SPATA13: variants seen among roughly 807,000 people sequenced by gnomAD.
SPATA13 encodes the protein spermatogenesis-associated protein 13.
SPATA13 carries 50 observed loss-of-function variants against 104.0 expected under a neutral mutation model. That is an observed-to-expected ratio of 0.48 (90% confidence interval 0.38 to 0.61). The LOEUF is 0.61. SPATA13 is among the 20% of genes least tolerant of loss of function. The pLI, the probability that SPATA13 is intolerant of heterozygous loss-of-function variation, is 0.00. For missense variants in SPATA13, 1,524 were observed against 1,690.6 expected (o/e 0.90, Z 1.73); for synonymous variants, 606 against 667.5 (o/e 0.91, Z 1.42).
At chr13:24,083,513 C>T (rs986823710) in intron 3 of SPATA13, among the ~76,000 whole-genome samples, 2 of 152,222 alleles carry the variant, frequency 1.3e-5, no homozygotes, top group African/African-American at 2.4e-5. Flanking sequence ...GGGAGAATGG[C>T]TAGCTCTCTG....
chr13:24,233,984 G>A (rs1212074183), intron 2 of SPATA13, among the ~76,000 whole-genome samples: 1 of 151,782 alleles, frequency 6.6e-6, no homozygotes, highest in African/African-American at 2.4e-5. Context: ...TATACCTGTA[G>A]TTTTGAACTT....
At chr13:24,045,722 T>C (rs577849183) in intron 3 of SPATA13, among the ~76,000 whole-genome samples, 3 of 152,316 alleles carry the variant, frequency 2.0e-5, no homozygotes, top group African/African-American at 7.2e-5. Flanking sequence ...ATAAAATACA[T>C]GGGAAAAGAT....
chr13:24,171,132 A>G (rs537513606), intron 1 of SPATA13, among the ~76,000 whole-genome samples: 1 of 152,216 alleles, frequency 6.6e-6, no homozygotes, highest in East Asian at 1.9e-4. Flanking sequence ...GGACCCTACA[A>G]CATCAAACGA....
chr13:23,993,986 CT>C (rs60416353), intron 2 of SPATA13, among the ~76,000 whole-genome samples: 62,523 of 122,830 alleles, frequency 0.51, 14,160 homozygotes, highest in Non-Finnish European at 0.55. Flanking sequence ...TTTTTTTTTT[CT>C]TTTTTTTTTT....
chr13:24,173,368 GTGTGTGT>G (rs1445601214), intron 1 of SPATA13, among the ~76,000 whole-genome samples: 1 of 19,176 alleles, frequency 5.2e-5, no homozygotes, highest in African/African-American at 8.3e-5. Flanking sequence ...TTAGTTGTGT[GTGTGTGT>G]GTGTGTGTGT....
intron 4 of SPATA13, chr13:24,270,826 G>A: frequency 6.2e-7 from 1 of 1,612,808 alleles, no homozygotes; most frequent in Non-Finnish European, 8.5e-7. Context: ...CCCCAGTCCT[G>A]CTCTGAAGGT....
At chr13:24,188,980 C>T (rs369157888) in intron 1 of SPATA13, among the ~76,000 whole-genome samples, 110 of 152,266 alleles carry the variant, frequency 7.2e-4, no homozygotes, top group African/African-American at 2.5e-3. Flanking sequence ...ATATTTTTAG[C>T]CCACTGTTGA....
At chr13:24,083,187 G>C (rs1484030872) in intron 3 of SPATA13, among the ~76,000 whole-genome samples, 1 of 152,210 alleles carries the variant, frequency 6.6e-6, no homozygotes, top group African/African-American at 2.4e-5. Context: ...CTTGGGAGCC[G>C]AGTAAGTTCT....
chr13:24,262,175 A>G (rs1250040281), intron 4 of SPATA13, among the ~76,000 whole-genome samples: 1 of 152,194 alleles, frequency 6.6e-6, no homozygotes, highest in East Asian at 1.9e-4. Context: ...TGTTGTTTCA[A>G]ATTTGATTTT....
At chr13:24,133,022 TA>T (rs1222117555) in intron 3 of SPATA13, among the ~76,000 whole-genome samples, 1 of 152,090 alleles carries the variant, frequency 6.6e-6, no homozygotes, top group Non-Finnish European at 1.5e-5. Context: ...GGAAACTTCA[TA>T]CATAGCACAC....
chr13:23,989,100 A>C (rs1875287032), intron 2 of SPATA13, among the ~76,000 whole-genome samples: 1 of 152,094 alleles, frequency 6.6e-6, no homozygotes, highest in African/African-American at 2.4e-5. Context: ...AAGTTATAAA[A>C]ATTTCTAGTC....
rs140264293 is a variant in SPATA13 at position 24,184,488 on chromosome 13, C to T, written c.-112+23556C>T. Among the ~76,000 whole-genome samples the T allele has an allele frequency of 4.0e-3, 603 of 152,308 alleles. 4 individuals carry two copies. The highest frequency in any genetic ancestry group is 0.014 in the African/African-American group (586 of 41,566). On this transcript the variant is annotated intron_variant, in intron 1 of 12. Coordinates refer to ENST00000382108, the MANE Select transcript of SPATA13 (RefSeq NM_001166271.3). ...AGAGAAAAGCGTACAATGGAGCCAA[C>T]CAAATCACAAAGATTATCACTTTTT...
intron 3 of SPATA13, among the ~76,000 whole-genome samples, chr13:24,148,359 G>GT (rs1353051867): frequency 1.6e-5 from 2 of 123,240 alleles, no homozygotes; most frequent in East Asian, 2.0e-4. Flanking sequence ...AGGCTTTTTT[G>GT]TTTTTTTATT....
intron 4 of SPATA13, among the ~76,000 whole-genome samples, chr13:24,257,114 A>C (rs969083817): frequency 6.6e-6 from 1 of 152,230 alleles, no homozygotes; most frequent in Admixed American, 6.5e-5. Context: ...TATGTTGATC[A>C]GAAGTCAAAT....
intron 1 of SPATA13, among the ~76,000 whole-genome samples, chr13:24,167,067 G>C (rs1882765929): frequency 6.6e-6 from 1 of 152,190 alleles, no homozygotes; most frequent in Non-Finnish European, 1.5e-5. Flanking sequence ...GTTATGATTG[G>C]TTTGGGGTAT....
chr13:24,147,900 G>T (rs1881985443), intron 3 of SPATA13, among the ~76,000 whole-genome samples: 1 of 152,116 alleles, frequency 6.6e-6, no homozygotes, highest in African/African-American at 2.4e-5. Flanking sequence ...GGTCCTCAAG[G>T]TTCATCCATG....
intron 1 of SPATA13, among the ~76,000 whole-genome samples, chr13:24,185,799 A>G (rs540384861): frequency 7.2e-6 from 1 of 139,730 alleles, no homozygotes; most frequent in South Asian, 2.4e-4. Flanking sequence ...GTGTGTGCGC[A>G]CACACATACA....
chr13:24,121,742 AG>A (rs1442752236), intron 3 of SPATA13, among the ~76,000 whole-genome samples: 1 of 152,170 alleles, frequency 6.6e-6, no homozygotes, highest in Non-Finnish European at 1.5e-5. Context: ...GAAAAAGAAA[AG>A]CTGCCTTCAT....
chr13:24,035,244 TC>T (rs1325393581), intron 3 of SPATA13, among the ~76,000 whole-genome samples: 2 of 152,166 alleles, frequency 1.3e-5, no homozygotes, highest in Admixed American at 6.5e-5. Flanking sequence ...TACCTCCACC[TC>T]CCACATTCAG....
Sources: allele counts gnomAD v4.1 joint callset (sites outside exome capture counted in the v4.1 genomes callset), GRCh38; gene constraint gnomAD v4.1.1; transcripts MANE v1.5; gene names NCBI Gene and HGNC (gene_info 2026-07-23, HGNC 2026-07-21).